LRIG3: variants seen among roughly 807,000 people sequenced by gnomAD.
LRIG3 encodes leucine-rich repeats and immunoglobulin-like domains protein 3.
In LRIG3, 76 loss-of-function variants were observed where a neutral mutation model predicts 114.5. The ratio of observed to expected loss-of-function variants is 0.66; its 90% CI spans 0.55 to 0.80. LRIG3 has a LOEUF of 0.80. LRIG3 is among the 30% of genes least tolerant of loss of function. The pLI is 0.00. For missense variants in LRIG3, 1,239 were observed against 1,382.8 expected, an observed-to-expected ratio of 0.90 and a Z score of 1.65; for synonymous variants, 512 against 519.8, an observed-to-expected ratio of 0.98 and a Z score of 0.20.
At chr12:58,877,336 A>C in intron 15 of LRIG3, 64 bp downstream of exon 15, 1 of 1,492,204 alleles carries the variant, frequency 6.7e-7, no homozygotes, top group South Asian at 1.2e-5. Flanking sequence ...ACGTTCTAGA[A>C]GTATTTGCAG....
chr12:58,902,543 T>C (rs1871896710), intron 3 of LRIG3, among the ~76,000 whole-genome samples: 1 of 152,146 alleles, frequency 6.6e-6, no homozygotes, highest in Non-Finnish European at 1.5e-5. Context: ...CAGGTGTTTA[T>C]ATTTATAATT....
chr12:58,888,814 C>G lies in LRIG3; in HGVS notation c.803+5G>C. 1 of 1,613,364 alleles carries G rather than the reference C, an allele frequency of 6.2e-7. No individual in the cohort carries two copies. Among genetic ancestry groups the G allele is most frequent in the Non-Finnish European group, 8.5e-7 (1 of 1,179,606 alleles). ...TCAGTAGGAACTGTGATAACCCACA[C>G]TTACAAAATTTCCATGTTGCTCAGC... On this transcript the variant is annotated splice_donor_5th_base_variant and intron_variant, in intron 6 of 18. Coordinates refer to ENST00000320743, the MANE Select transcript of LRIG3 (RefSeq NM_153377.5).
rs1049524521 is a variant in LRIG3 at position 58,877,674 on chromosome 12, A to T, written c.2262T>A (p.Ile754=). ...FFAAGNQLLI[I]VDSDVSDAGK... is the part of the protein sequence containing the mutation. The stretch of plus-strand genomic sequence containing the variant: ...CAGCATCACTGACATCTGAGTCCAC[A>T]ATAATCAGAAGCTGATTGCCTGCTG... The change falls in exon 15 of 19, where the codon ATT becomes ATA. Residue 754 remains isoleucine (I), a synonymous_variant. Coordinates refer to ENST00000320743, the MANE Select transcript of LRIG3 (RefSeq NM_153377.5). The T allele has an allele frequency of 6.2e-7, 1 of 1,614,160 alleles. No homozygotes were observed. The highest frequency in any genetic ancestry group is 1.7e-5 in the Admixed American group (1 of 60,026).
At chr12:58,887,608 T>C (rs1475172216) in intron 8 of LRIG3, among the ~76,000 whole-genome samples, 181 bp downstream of exon 8, 1 of 152,194 alleles carries the variant, frequency 6.6e-6, no homozygotes, top group Admixed American at 6.5e-5. Context: ...TTTTAATCCC[T>C]ATACGAAACA....
In LRIG3 at chr12:58,880,645, A is replaced by G. The variant is rs1171739434; in HGVS notation, c.1737T>C (p.Tyr579=). Residue 579 remains tyrosine, a synonymous_variant, in exon 13 of 19, where the codon TAT becomes TAC. Coordinates refer to ENST00000320743, the MANE Select transcript of LRIG3 (RefSeq NM_153377.5). ...REVEFASEGK[Y]QCVISNHFGS... ...CAAAGTGATTGGAGATGACACACTG[A>G]TATTTCCCCTCACTGGCAAATTCCA... 6.2e-7 allele frequency: 1 copy of G among 1,614,260 alleles called. No individual in the cohort carries two copies. Among genetic ancestry groups the G allele is most frequent in the Non-Finnish European group, 8.5e-7 (1 of 1,180,036 alleles).
intron 16 of LRIG3, 56 bp downstream of exon 16, chr12:58,876,389 C>A: frequency 6.4e-7 from 1 of 1,566,312 alleles, no homozygotes; most frequent in Non-Finnish European, 8.7e-7. Flanking sequence ...CATATCTGAG[C>A]CTTCCACCAT....
At chr12:58,913,954 A>C in intron 3 of LRIG3, 28 bp downstream of exon 3, 1 of 1,591,240 alleles carries the variant, frequency 6.3e-7, no homozygotes, top group Non-Finnish European at 8.6e-7. Flanking sequence ...GCAAACATAC[A>C]TGAGGAATTC....
chr12:58,889,003 A>C (rs779291575), intron 5 of LRIG3, 41 bp from the exon 6 acceptor site: 8 of 1,582,696 alleles, frequency 5.1e-6, no homozygotes. Context: ...ATGACAATTA[A>C]ATTCTGGAGG....
intron 3 of LRIG3, among the ~76,000 whole-genome samples, chr12:58,895,492 G>A (rs17121692): frequency 0.023 from 3,467 of 152,280 alleles, 123 homozygotes; most frequent in East Asian, 0.098. Flanking sequence ...TAGAGGAAAT[G>A]AAGGAACACC....
intron 10 of LRIG3, among the ~76,000 whole-genome samples, chr12:58,885,080 C>T (rs139605322): frequency 2.2e-3 from 330 of 152,248 alleles, no homozygotes; most frequent in Non-Finnish European, 3.0e-3. Context: ...CTAGGAGCTA[C>T]TGGGAGTAGC....
At chr12:58,915,653 G>GA (rs1200856310) in intron 1 of LRIG3, among the ~76,000 whole-genome samples, 1 of 152,084 alleles carries the variant, frequency 6.6e-6, no homozygotes, top group Non-Finnish European at 1.5e-5. Context: ...GTTATAACAT[G>GA]AAAAAAATCT....
In LRIG3 at chr12:58,910,629, CA is replaced by C. The variant is rs200163323; in HGVS notation, c.383+3352del. ...TCTCAAAAAAAAACAAAAACAAAAACAAAAAAAACAAGTACCCTAGGTGCCT... is the reference window on the plus strand; with the variant it reads ...TCTCAAAAAAAAACAAAAACAAAAACAAAAAAACAAGTACCCTAGGTGCCT... On this transcript the variant is annotated intron_variant, in intron 3 of 18. Transcript: ENST00000320743. 3.3e-4 allele frequency among the ~76,000 whole-genome samples: 50 copies of C among 151,756 alleles called. No homozygotes were observed. In the East Asian group the frequency reaches 6.0e-3, roughly 18 times the overall value.
chr12:58,909,086 A>G (rs1415020892), intron 3 of LRIG3, among the ~76,000 whole-genome samples: 1 of 152,188 alleles, frequency 6.6e-6, no homozygotes, highest in African/African-American at 2.4e-5. Context: ...CCTCCTGGCA[A>G]GCCTTTCTCT....
intron 3 of LRIG3, among the ~76,000 whole-genome samples, chr12:58,903,142 C>T (rs537019069): frequency 6.6e-6 from 1 of 152,272 alleles, no homozygotes; most frequent in South Asian, 2.1e-4. Context: ...TGAGGAATGG[C>T]CACACTGACT....
intron 3 of LRIG3, among the ~76,000 whole-genome samples, chr12:58,896,541 G>C (rs897394000): frequency 6.6e-6 from 1 of 152,142 alleles, no homozygotes; most frequent in African/African-American, 2.4e-5. Flanking sequence ...CCTAGTACAC[G>C]GATAACAGGC....
At chr12:58,899,778 G>A (rs915162176) in intron 3 of LRIG3, among the ~76,000 whole-genome samples, 9 of 152,164 alleles carry the variant, frequency 5.9e-5, no homozygotes, top group African/African-American at 2.2e-4. Context: ...TGAGGGCTGT[G>A]TGTGGTATGG....
At chr12:58,883,115 A>G in intron 11 of LRIG3, 83 bp from the exon 12 acceptor site, 2 of 1,379,454 alleles carry the variant, frequency 1.4e-6, no homozygotes, top group African/African-American at 2.9e-5. Context: ...AATATTAACA[A>G]AGCAATGAAT....
At chr12:58,882,776 G>A in intron 12 of LRIG3, 93 bp downstream of exon 12, 3 of 1,332,960 alleles carry the variant, frequency 2.3e-6, no homozygotes, top group Non-Finnish European at 3.0e-6. Context: ...GCTTTATAAA[G>A]AGATCATAAA....
chr12:58,873,437 T>G (rs1374306429), intron 18 of LRIG3: 2 of 153,126 alleles, frequency 1.3e-5, no homozygotes, highest in Non-Finnish European at 2.9e-5. Context: ...AAGTTGTGGC[T>G]GATTTTTCCA....
Sources: gnomAD v4.1 joint callset for allele counts (sites outside exome capture counted in the v4.1 genomes callset) on GRCh38, gnomAD v4.1.1 for gene constraint, MANE v1.5 for transcripts, NCBI Gene and HGNC (gene_info 2026-07-23, HGNC 2026-07-21) for gene names.